Variants in GLE1 observed in about 807,000 individuals in gnomAD.
GLE1 encodes the protein mRNA export factor GLE1.
In GLE1, 78 loss-of-function variants were observed where a neutral mutation model predicts 97.3. That is an observed-to-expected ratio of 0.80 (90% CI 0.67 to 0.97). The LOEUF is 0.97. Among genes scored for constraint, GLE1 ranks in the 50% least tolerant of loss-of-function variants. GLE1 has a pLI of 0.00. For missense variants in GLE1, 753 were observed against 857.5 expected, an observed-to-expected ratio of 0.88 and a Z score of 1.52; for synonymous variants, 302 against 313.4, an observed-to-expected ratio of 0.96 and a Z score of 0.39.
rs199722904 is a variant in GLE1 at position 128,536,439 on chromosome 9, C to T, written c.1731C>T (p.Tyr577=). 6.9e-5 allele frequency: 111 copies of T among 1,613,916 alleles called. 1 individual carries two copies. Among genetic ancestry groups the T allele is most frequent in the African/African-American group, 3.7e-4 (28 of 75,056 alleles). The change falls in exon 12 of 16, where the codon TAC becomes TAT. Residue 577 remains tyrosine, a synonymous_variant. Transcript: ENST00000309971. ...GCATGTCAGGGATGATCCGTCTCTA[C>T]GCTGCTATCATCCAGCTCCGGTGGC... ...LKRMSGMIRL[Y]AAIIQLRWPY...
At chr9:128,505,636 C>A (rs1281034455) in intron 1 of GLE1, among the ~76,000 whole-genome samples, 1 of 152,232 alleles carries the variant, frequency 6.6e-6, no homozygotes, top group Non-Finnish European at 1.5e-5. Flanking sequence ...AGAAATGATG[C>A]CATGGCTTTC....
chr9:128,529,026 T>C (rs1241339927), intron 9 of GLE1: 2 of 152,218 alleles, frequency 1.3e-5, no homozygotes, highest in African/African-American at 2.4e-5. Context: ...AAATTTCAGT[T>C]CCTGCCCTTG....
chr9:128,532,586 C>T (rs1173482366), intron 9 of GLE1: 3 of 224,620 alleles, frequency 1.3e-5, no homozygotes, highest in Non-Finnish European at 2.2e-5. Context: ...GAGGTGAGGT[C>T]TCAGGAGCTA....
At chr9:128,515,993 C>G (rs1240600689) in intron 3 of GLE1, among the ~76,000 whole-genome samples, 1 of 150,360 alleles carries the variant, frequency 6.7e-6, no homozygotes, top group Non-Finnish European at 1.5e-5. Flanking sequence ...CTCTTGTTGC[C>G]CAGGCTGGAC....
chr9:128,528,690 A>G (rs774608014), intron 9 of GLE1, among the ~76,000 whole-genome samples: 26 of 152,220 alleles, frequency 1.7e-4, no homozygotes, highest in Admixed American at 1.3e-3. Context: ...TGCTGAAAAC[A>G]TCACTCAGGG....
At chr9:128,540,791 C>T (rs1270633891) in intron 15 of GLE1, 3 of 430,602 alleles carry the variant, frequency 7.0e-6, no homozygotes, top group Non-Finnish European at 1.3e-5. Context: ...AGTGGGTTTG[C>T]CAAGATAGCC....
chr9:128,504,999 T>C, intron 1 of GLE1, 95 bp downstream of exon 1: 1 of 800,814 alleles, frequency 1.2e-6, no homozygotes, highest in Non-Finnish European at 2.2e-6. Flanking sequence ...CGGGAACCCG[T>C]GCAGTCTAAC....
At chr9:128,506,603 G>A (rs747236211) in intron 1 of GLE1, among the ~76,000 whole-genome samples, 3 of 152,178 alleles carry the variant, frequency 2.0e-5, no homozygotes, top group Non-Finnish European at 2.9e-5. Context: ...GGATGGTGCT[G>A]TATTGGCAAA....
intron 13 of GLE1, among the ~76,000 whole-genome samples, chr9:128,538,938 A>G (rs369854877): frequency 2.6e-5 from 4 of 152,142 alleles, no homozygotes; most frequent in African/African-American, 4.8e-5. Flanking sequence ...TATAGTGCCA[A>G]TAGTTCCTAG....
At chr9:128,540,532 T>G in intron 15 of GLE1, 194 bp downstream of exon 15, 1 of 618,176 alleles carries the variant, frequency 1.6e-6, no homozygotes, top group East Asian at 2.8e-5. Context: ...TATGTATCAT[T>G]CTCTATACTG....
At position 128,533,544 on chromosome 9, in the gene GLE1, C is replaced by G. The variant is rs1375633219; in HGVS notation, c.1344C>G (p.Ile448Met). The change falls in exon 10 of 16, where the codon ATC (isoleucine) becomes ATG (methionine). Residue 448 changes from isoleucine to methionine, a missense_variant. Coordinates refer to ENST00000309971, the MANE Select transcript of GLE1 (RefSeq NM_001003722.2). ...GSKLKEIFDKIHSLLSGKPVQ... is the reference protein window; with the variant it reads ...GSKLKEIFDKMHSLLSGKPVQ... The stretch of plus-strand genomic sequence containing the variant: ...AACTGAAGGAGATCTTTGACAAGAT[C>G]CACAGCCTGCTCTCTGGAAAACCTG... 4 of 1,612,704 alleles carry G rather than the reference C, an allele frequency of 2.5e-6. No individual in the cohort carries two copies. The highest frequency in any genetic ancestry group is 3.4e-6 in the Non-Finnish European group (4 of 1,179,026).
intron 11 of GLE1, among the ~76,000 whole-genome samples, chr9:128,535,915 G>A (rs1270224224): frequency 3.3e-5 from 5 of 152,056 alleles, no homozygotes; most frequent in South Asian, 2.1e-4. Flanking sequence ...GGTGAAGTTT[G>A]CAGTGAGCCT....
intron 2 of GLE1, among the ~76,000 whole-genome samples, chr9:128,512,531 T>C (rs1846854996): frequency 6.6e-6 from 1 of 152,198 alleles, no homozygotes; most frequent in African/African-American, 2.4e-5. Flanking sequence ...TTTTAAAAAG[T>C]ATTTTTATGA....
Position 128,541,260 on chromosome 9 carries a change from A to T in GLE1, c.*90A>T. 1.2e-6 allele frequency: 1 copy of T among 831,300 alleles called. No individual in the cohort carries two copies. Among genetic ancestry groups the T allele is most frequent in the Non-Finnish European group, 2.1e-6 (1 of 468,644 alleles). 51.5% of individuals were successfully genotyped at this position (831,300 alleles called of 1,614,324 possible). A position where few individuals can be genotyped will look rare whatever the true frequency, so the allele number is the denominator to read the frequency against. Reference sequence around the variant, plus strand: ...CTGTATTTGGGAGAAGTCATGTCAGATTCAGAAATTTGCCATTATGTATTT... The same window carrying T: ...CTGTATTTGGGAGAAGTCATGTCAGTTTCAGAAATTTGCCATTATGTATTT... On this transcript the variant is annotated 3_prime_UTR_variant, in exon 16 of 16. Transcript: ENST00000309971.
intron 13 of GLE1, among the ~76,000 whole-genome samples, chr9:128,538,532 C>T (rs1847791659): frequency 6.6e-6 from 1 of 152,122 alleles, no homozygotes; most frequent in African/African-American, 2.4e-5. Flanking sequence ...CACGGTGGCT[C>T]ACGCCTGTAA....
rs2132474414 is a variant in GLE1 at position 128,527,542 on chromosome 9, G to A, written c.1312+17G>A. Reference sequence around the variant, plus strand: ...CCATTGCAGGTTGGTCAGAGGGGTTGAGAACATGACCTTTCATTTCATTGT... The same window carrying A: ...CCATTGCAGGTTGGTCAGAGGGGTTAAGAACATGACCTTTCATTTCATTGT... On this transcript the variant is annotated intron_variant, in intron 9 of 15. Coordinates refer to ENST00000309971, the MANE Select transcript of GLE1 (RefSeq NM_001003722.2). 6.7e-7 allele frequency: 1 copy of A among 1,484,074 alleles called. No individual in the cohort carries two copies. The highest frequency in any genetic ancestry group is 2.3e-5 in the East Asian group (1 of 44,318). 91.9% of individuals were successfully genotyped at this position (1,484,074 alleles called of 1,614,324 possible). A position where few individuals can be genotyped will look rare whatever the true frequency, so the allele number is the denominator to read the frequency against.
chr9:128,541,106 G>C lies in GLE1; in HGVS notation c.2033G>C (p.Cys678Ser). Residue 678 changes from cysteine to serine, a missense_variant, in exon 16 of 16, where the codon TGT becomes TCT. Physicochemically the swap from Cys to Ser is moderately radical, Grantham distance 112 (BLOSUM62 -1). Transcript: ENST00000309971. ...TCTTCATCTTTCCCTGACCAGAAAT[G>C]TTTGCAACACAAGGACATTCCTGTC... is the stretch of plus-strand genomic sequence containing the variant. ...FIRLKQFLEK[C>S]LQHKDIPVPK... 1 of 1,560,310 alleles carries C rather than the reference G, an allele frequency of 6.4e-7. No individual in the cohort carries two copies. The highest frequency in any genetic ancestry group is 8.8e-7 in the Non-Finnish European group (1 of 1,131,000).
intron 12 of GLE1, 83 bp downstream of exon 12, chr9:128,536,567 C>G (rs1406208914): frequency 8.0e-7 from 1 of 1,249,416 alleles, no homozygotes; most frequent in African/African-American, 1.5e-5. Flanking sequence ...TGTTGGCCTT[C>G]TTTCAGAGAG....
At chr9:128,540,246 G>A (rs753594311) in intron 14 of GLE1, 29 bp from the exon 15 acceptor site, 3 of 1,471,782 alleles carry the variant, frequency 2.0e-6, no homozygotes, top group South Asian at 1.1e-5. Flanking sequence ...TATCATAGGT[G>A]TGATTCATGT....
Sources: allele counts gnomAD v4.1 joint callset (sites outside exome capture counted in the v4.1 genomes callset), GRCh38; gene constraint gnomAD v4.1.1; transcripts MANE v1.5; gene names NCBI Gene and HGNC (gene_info 2026-07-23, HGNC 2026-07-21).